Variants in WHAMM observed in about 807,000 individuals in gnomAD.
The protein encoded by WHAMM is WASP homolog associated with actin, golgi membranes and microtubules, also known as WASP homolog-associated protein with actin, membranes and microtubules.
A neutral mutation model predicts 76.5 loss-of-function variants in WHAMM; 67 were observed. The observed-to-expected ratio is 0.88, with a 90% CI of 0.72 to 1.07. WHAMM has a LOEUF of 1.07. Ranked by LOEUF, WHAMM falls within the 50% of genes least tolerant of loss-of-function variation. The probability of loss-of-function intolerance (pLI) is 0.00; values close to 1 mark genes in which losing one functional copy is unlikely to be tolerated. For missense variants in WHAMM, 1,021 were observed against 1,051.1 expected (o/e 0.97, Z 0.40); for synonymous variants, 419 against 422.1 (o/e 0.99, Z 0.09).
chr15:82,830,038 T>C (rs946403351), intron 8 of WHAMM, among the ~76,000 whole-genome samples: 3 of 152,196 alleles, frequency 2.0e-5, no homozygotes, highest in African/African-American at 7.2e-5. Flanking sequence ...GGCTCTGTTA[T>C]AGCTTCCACT....
chr15:82,826,254 G>A, intron 6 of WHAMM, 156 bp from the exon 7 acceptor site: 1 of 647,800 alleles, frequency 1.5e-6, no homozygotes, highest in Non-Finnish European at 2.6e-6. Flanking sequence ...CCTCATCATA[G>A]ACTGCGGAGG....
intron 3 of WHAMM, among the ~76,000 whole-genome samples, chr15:82,817,655 A>G (rs538448486): frequency 6.6e-6 from 1 of 152,304 alleles, no homozygotes; most frequent in African/African-American, 2.4e-5. Context: ...CATAGAAACA[A>G]TATGGAAGCA....
chr15:82,815,767 T>C (rs1199959019), intron 2 of WHAMM, among the ~76,000 whole-genome samples: 1 of 152,202 alleles, frequency 6.6e-6, no homozygotes, highest in Non-Finnish European at 1.5e-5. Flanking sequence ...CTAGTGGGTG[T>C]GAAGTGGTAT....
At position 82,830,717 on chromosome 15, in the gene WHAMM, A is replaced by C. The variant is rs1596288941; in HGVS notation, c.1760A>C (p.His587Pro). Residue 587 changes from histidine (H) to proline (P), a missense_variant, in exon 9 of 10, where the codon CAC becomes CCC. Physicochemically the swap from His to Pro is moderately conservative, Grantham distance 77 (BLOSUM62 -2). Transcript: ENST00000286760. ...GCTTCCCACGCGGTGTCAGTAATTC[A>C]CCCGTCCTCTAGGAAAACTAGAGGT... ...LPASHAVSVIHPSSRKTRGVP... is the reference protein window; with the variant it reads ...LPASHAVSVIPPSSRKTRGVP... 1.2e-6 allele frequency: 2 copies of C among 1,613,874 alleles called. No individual in the cohort carries two copies. The highest frequency in any genetic ancestry group is 1.7e-6 in the Non-Finnish European group (2 of 1,179,882).
At chr15:82,825,090 A>G (rs1312117386) in intron 6 of WHAMM, among the ~76,000 whole-genome samples, 6 of 152,164 alleles carry the variant, frequency 3.9e-5, no homozygotes, top group African/African-American at 9.7e-5. Context: ...GTACCACTGC[A>G]CTTCAGCTGG....
At chr15:82,823,008 A>C in intron 5 of WHAMM, 92 bp from the exon 6 acceptor site, 1 of 1,109,568 alleles carries the variant, frequency 9.0e-7, no homozygotes, top group Non-Finnish European at 1.2e-6. Context: ...GTGGGATTAC[A>C]AGTGATCTTT....
intron 1 of WHAMM, among the ~76,000 whole-genome samples, chr15:82,811,055 CTGT>C (rs1455912995): frequency 6.6e-6 from 1 of 152,192 alleles, no homozygotes; most frequent in Non-Finnish European, 1.5e-5. Context: ...CGGCTCACTG[CTGT>C]TATTAACCTG....
chr15:82,831,758 C>T (rs1348467390), intron 9 of WHAMM, among the ~76,000 whole-genome samples: 1 of 152,228 alleles, frequency 6.6e-6, no homozygotes, highest in African/African-American at 2.4e-5. Flanking sequence ...TGGCCTAAAT[C>T]TGCCTAGACT....
At chr15:82,814,808 C>T (rs572793733) in intron 2 of WHAMM, among the ~76,000 whole-genome samples, 31 of 99,180 alleles carry the variant, frequency 3.1e-4, no homozygotes, top group Admixed American at 5.0e-4. Flanking sequence ...CTCGCTCTGT[C>T]GCCCAGGCTG....
intron 8 of WHAMM, among the ~76,000 whole-genome samples, chr15:82,827,822 G>A (rs1231521687): frequency 6.6e-6 from 1 of 152,090 alleles, no homozygotes; most frequent in East Asian, 1.9e-4. Context: ...GTGCATGCCT[G>A]TAGTCCCAGG....
chr15:82,830,268 T>C (rs1488737571), intron 8 of WHAMM, among the ~76,000 whole-genome samples: 1 of 152,048 alleles, frequency 6.6e-6, no homozygotes, highest in African/African-American at 2.4e-5. Flanking sequence ...TTTGTCATAA[T>C]TTTTTCAACA....
Position 82,816,743 on chromosome 15 carries a change from A to T in WHAMM, c.835A>T (p.Lys279Ter). The change falls in exon 3 of 10, where the codon AAA (lysine) becomes TAA (stop). Residue 279 changes from lysine to a stop codon, truncating the protein, a stop_gained. Transcript: ENST00000286760. LOFTEE classifies it high-confidence loss of function. ...LGPRRVVALEKEAEEWTRRAE... is the reference protein window; with the variant it reads ...LGPRRVVALE The stretch of plus-strand genomic sequence containing the variant: ...TCCTAGAAGGGTAGTTGCCCTGGAG[A>T]AAGAAGCTGAAGAATGGACCAGACG... 1 of 1,558,452 alleles carries T rather than the reference A, an allele frequency of 6.4e-7. No individual in the cohort carries two copies. The highest frequency in any genetic ancestry group is 2.4e-5 in the East Asian group (1 of 42,036).
intron 9 of WHAMM, 91 bp from the exon 10 acceptor site, chr15:82,833,138 C>CTGAT (rs1364645348): frequency 2.1e-5 from 29 of 1,365,110 alleles, no homozygotes; most frequent in Non-Finnish European, 2.9e-5. Context: ...ATGGTGTTAA[C>CTGAT]TGATAGGAGA....
intron 1 of WHAMM, among the ~76,000 whole-genome samples, chr15:82,812,652 T>G (rs1273642710): frequency 2.6e-5 from 4 of 152,204 alleles, no homozygotes; most frequent in Non-Finnish European, 5.9e-5. Context: ...AGTGCATAGT[T>G]GAGATTAAAC....
Position 82,830,910 on chromosome 15 carries a change from A to ACCGCCGCCC in WHAMM, c.1956_1964dup (p.Pro656_Pro658dup), listed in dbSNP as rs778805612. On this transcript the variant is annotated inframe_insertion, in exon 9 of 10. Transcript: ENST00000286760. Reference sequence around the variant, plus strand: ...CTCCTCCACCACCACCACCGCCGCCACCGCCGCCCCCACCCCCTCCTCTCC... The same window carrying ACCGCCGCCC: ...CTCCTCCACCACCACCACCGCCGCCACCGCCGCCCCCGCCGCCCCCACCCCCTCCTCTCC... 2 of 900,678 alleles carry ACCGCCGCCC rather than the reference A, an allele frequency of 2.2e-6. No homozygotes were observed. The highest frequency in any genetic ancestry group is 1.3e-5 in the South Asian group (1 of 77,566). The allele number at this position is 900,678 out of a possible 1,614,324, so 55.8% of individuals were successfully genotyped here.
chr15:82,826,725 A>G, intron 7 of WHAMM, 26 bp from the exon 8 acceptor site: 1 of 1,530,176 alleles, frequency 6.5e-7, no homozygotes. Context: ...TGAGCAATTT[A>G]CAAATATACA....
At position 82,825,277 on chromosome 15, in the gene WHAMM, A is replaced by G. The variant is rs2050911610; in HGVS notation, c.1459-1133A>G. ...CTTTGCTCCACATTTCAGAAAACCC[A>G]TGAGCCCCAGGAAGACTCTCCTTTG... On this transcript the variant is annotated intron_variant, in intron 6 of 9. Coordinates refer to ENST00000286760, the MANE Select transcript of WHAMM (RefSeq NM_001080435.3). Among the ~76,000 whole-genome samples the G allele has an allele frequency of 2.6e-5, 4 of 151,976 alleles. No individual in the cohort carries two copies. The South Asian group carries it at 8.3e-4, about 31-fold the overall frequency.
At chr15:82,832,209 C>T (rs928971329) in intron 9 of WHAMM, among the ~76,000 whole-genome samples, 1 of 152,210 alleles carries the variant, frequency 6.6e-6, no homozygotes, top group Non-Finnish European at 1.5e-5. Flanking sequence ...GCTGCTAATT[C>T]ACAGGAAAGA....
rs1279370217 is a variant in WHAMM at position 82,826,786 on chromosome 15, A to G, written c.1581A>G (p.Lys527=). ...AGATAAAAGAAGAGGAGCAAAAGAA[A>G]AAAGAATGGATCAACCAAGAACGTC... ...RDKIKEEEQK[K]KEWINQERQK... is the part of the protein sequence containing the mutation. Residue 527 remains lysine, a synonymous_variant, in exon 8 of 10, where the codon AAA becomes AAG. Coordinates refer to ENST00000286760, the MANE Select transcript of WHAMM (RefSeq NM_001080435.3). The G allele has an allele frequency of 3.9e-6, 6 of 1,549,404 alleles. No individual in the cohort carries two copies. Among genetic ancestry groups the G allele is most frequent in the Admixed American group, 4.0e-5 (2 of 50,632 alleles).
Sources: gnomAD v4.1 joint callset for allele counts (sites outside exome capture counted in the v4.1 genomes callset) on GRCh38, gnomAD v4.1.1 for gene constraint, MANE v1.5 for transcripts, NCBI Gene and HGNC (gene_info 2026-07-23, HGNC 2026-07-21) for gene names.